Variants in OLR1 observed in about 807,000 individuals in gnomAD.
The protein encoded by OLR1 is oxidized low-density lipoprotein receptor 1.
A neutral mutation model predicts 31.7 loss-of-function variants in OLR1; 23 were observed. The ratio of observed to expected loss-of-function variants is 0.72; its 90% CI spans 0.52 to 1.03. The LOEUF (loss-of-function observed/expected upper bound fraction) is 1.03, where lower values mean the gene tolerates loss of function less well. Among genes scored for constraint, OLR1 ranks in the 50% least tolerant of loss-of-function variants. The probability of loss-of-function intolerance (pLI) is 0.00; values close to 1 mark genes in which losing one functional copy is unlikely to be tolerated. For missense variants in OLR1, 286 were observed against 315.7 expected, an observed-to-expected ratio of 0.91 and a Z score of 0.71; for synonymous variants, 117 against 115.8, an observed-to-expected ratio of 1.01 and a Z score of -0.07.
chr12:10,160,349 G>A lies in OLR1; in HGVS notation c.678C>T (p.His226=). The change falls in exon 5 of 6, where the codon CAC becomes CAT. Residue 226 remains histidine, a splice_region_variant and synonymous_variant. Transcript: ENST00000309539. ...LWEDGSPLMP[H]LFRVRGAVSQ... is the part of the protein sequence containing the mutation. The stretch of plus-strand genomic sequence containing the variant: ...ATCAAAAAGAATGGGAAACTTACAA[G>A]TGGGGCATCAAAGGAGAACCGTCCT... The A allele has an allele frequency of 6.2e-7, 1 of 1,610,526 alleles. No individual in the cohort carries two copies. The highest frequency in any genetic ancestry group is 8.5e-7 in the Non-Finnish European group (1 of 1,177,446).
intron 2 of OLR1, 80 bp from the exon 3 acceptor site, chr12:10,167,037 GA>G: frequency 7.3e-7 from 1 of 1,364,946 alleles, no homozygotes; most frequent in East Asian, 2.3e-5. Context: ...AATCAAAACA[GA>G]ATTAAATCTA....
At chr12:10,174,595 T>C (rs1220769316), upstream of OLR1, among the ~76,000 whole-genome samples, 1 of 152,206 alleles carries the variant, frequency 6.6e-6, no homozygotes, top group East Asian at 1.9e-4. Context: ...CTCCACTCGC[T>C]GGCCGAGTCT....
At chr12:10,170,460 A>G (rs1191882664) in intron 1 of OLR1, 1 of 145,722 alleles carries the variant, frequency 6.9e-6, no homozygotes, top group Non-Finnish European at 1.5e-5. Context: ...TTCATTCCAC[A>G]TTGTAGGGCA....
At chr12:10,167,242 C>T in intron 2 of OLR1, 1 of 282,068 alleles carries the variant, frequency 3.5e-6, no homozygotes, top group South Asian at 3.8e-5. Context: ...CTTTGGGAGG[C>T]CGAGGCAGGC....
In OLR1 at chr12:10,168,772, G is replaced by T. The variant is rs181193470; in HGVS notation, c.178+302C>A. Among the ~76,000 whole-genome samples the T allele has an allele frequency of 2.0e-4, 31 of 152,258 alleles. No homozygotes were observed. The East Asian group carries it at 4.8e-3, about 24-fold the overall frequency. On this transcript the variant is annotated intron_variant, in intron 2 of 5. Transcript: ENST00000309539. ...GCCTCCCAAAGTGCTGGGATTACAG[G>T]TGTGAGCCACCGCACCCGGCCTATC... is the stretch of plus-strand genomic sequence containing the variant.
At chr12:10,167,020 T>A (rs1050729058) in intron 2 of OLR1, 63 bp from the exon 3 acceptor site, 1 of 1,494,436 alleles carries the variant, frequency 6.7e-7, no homozygotes, top group Non-Finnish European at 9.1e-7. Context: ...CAGGGACTTT[T>A]TGAGGAAATC....
intron 2 of OLR1, among the ~76,000 whole-genome samples, chr12:10,167,862 C>T (rs1398624367): frequency 6.6e-6 from 1 of 151,892 alleles, no homozygotes; most frequent in African/African-American, 2.4e-5. Context: ...TGTTAAGGGT[C>T]AAATGTCTCA....
intron 3 of OLR1, among the ~76,000 whole-genome samples, chr12:10,166,068 G>T (rs1453586814): frequency 6.6e-6 from 1 of 151,908 alleles, no homozygotes; most frequent in African/African-American, 2.4e-5. Context: ...AAAATTAGTT[G>T]GGCATGGTGG....
chr12:10,159,618 TTAAAA>T lies in OLR1; in HGVS notation c.*257_*261del. 3.3e-6 allele frequency: 1 copy of T among 300,522 alleles called. No individual in the cohort carries two copies. The highest frequency in any genetic ancestry group is 6.4e-6 in the Non-Finnish European group (1 of 156,204). The allele number at this position is 300,522 out of a possible 1,614,324, so 18.6% of individuals were successfully genotyped here. A position where few individuals can be genotyped will look rare whatever the true frequency, so the allele number is the denominator to read the frequency against. On this transcript the variant is annotated 3_prime_UTR_variant, in exon 6 of 6. Coordinates refer to ENST00000309539, the MANE Select transcript of OLR1 (RefSeq NM_002543.4). ...TTCAAGCTTGAAGAGGAGTCAAATT[TTAAAA>T]TAAAAAGGGGAAAATGGACTTCAGG...
chr12:10,168,979 T>C (rs1381178913), intron 2 of OLR1, 95 bp downstream of exon 2: 4 of 769,448 alleles, frequency 5.2e-6, no homozygotes, highest in Non-Finnish European at 8.0e-6. Flanking sequence ...AGGCTGTTTG[T>C]AGTTGTTATG....
chr12:10,165,378 C>T (rs11053652), intron 3 of OLR1, among the ~76,000 whole-genome samples: 1 of 151,776 alleles, frequency 6.6e-6, no homozygotes, highest in Non-Finnish European at 1.5e-5. Flanking sequence ...GGCAGTGAGC[C>T]GAGATCAGGC....
upstream of OLR1, among the ~76,000 whole-genome samples, chr12:10,172,579 T>C (rs1056469935): frequency 3.9e-5 from 6 of 152,188 alleles, no homozygotes; most frequent in Non-Finnish European, 7.3e-5. Context: ...TGGCAATGGA[T>C]CTAAGAATTT....
chr12:10,174,043 A>ATGTGT (rs1948747479), upstream of OLR1, among the ~76,000 whole-genome samples: 2 of 134,800 alleles, frequency 1.5e-5, no homozygotes, highest in Non-Finnish European at 3.1e-5. Flanking sequence ...GGTGAATTTC[A>ATGTGT]TGTGTTTTGT....
At position 10,166,804 on chromosome 12, in the gene OLR1, C is replaced by G; in HGVS notation, c.332G>C (p.Arg111Pro). The G allele has an allele frequency of 3.1e-6, 5 of 1,613,750 alleles. No individual in the cohort carries two copies. The highest frequency in any genetic ancestry group is 4.2e-6 in the Non-Finnish European group (5 of 1,179,972). The change falls in exon 3 of 6, where the codon CGG (arginine) becomes CCG (proline). Residue 111 changes from arginine to proline, a missense_variant. By Grantham distance (103) the Arg-to-Pro change is moderately radical. Transcript: ENST00000309539. ...CTCTTTGGATTTCTCATTCAGCTTC[C>G]GAGCAAGGGTTTCTATCATTTCCTT... ...ELKEMIETLA[R>P]KLNEKSKEQM...
chr12:10,159,690 G>A lies in OLR1; in HGVS notation c.*190C>T, dbSNP rs1050283. ...GGACAAGCTAGGTGAAATAATACAG[G>A]TAGCTAGAATCAAAAATGTTGACAT... On this transcript the variant is annotated 3_prime_UTR_variant, in exon 6 of 6. Transcript: ENST00000309539. 0.43 allele frequency: 211,599 copies of A among 493,990 alleles called. 49,178 individuals are homozygous for A. Among genetic ancestry groups the A allele is most frequent in the Middle Eastern group, 0.54 (920 of 1,716 alleles). The allele number at this position is 493,990 out of a possible 1,614,324, so 30.6% of individuals were successfully genotyped here.
intron 2 of OLR1, among the ~76,000 whole-genome samples, chr12:10,167,935 T>C (rs1948676352): frequency 1.3e-5 from 2 of 152,206 alleles, no homozygotes; most frequent in South Asian, 4.1e-4. Flanking sequence ...GCTTTGATCC[T>C]GTTATAAGAT....
upstream of OLR1, among the ~76,000 whole-genome samples, chr12:10,173,912 T>A (rs1379029930): frequency 1.3e-5 from 2 of 152,208 alleles, no homozygotes; most frequent in African/African-American, 4.8e-5. Context: ...TTTTTAGGTG[T>A]ACTGTTCAGT....
intron 5 of OLR1, 27 bp from the exon 6 acceptor site, chr12:10,160,048 C>CAAA: frequency 6.3e-7 from 1 of 1,576,636 alleles, no homozygotes; most frequent in Non-Finnish European, 8.6e-7. Context: ...ACAAAACAAA[C>CAAA]CAACAAAAAA....
chr12:10,165,365 G>A (rs1320775146), intron 3 of OLR1, among the ~76,000 whole-genome samples: 10 of 150,924 alleles, frequency 6.6e-5, no homozygotes, highest in Admixed American at 4.0e-4. Flanking sequence ...TGGAGGCGGA[G>A]GTGGCAGTGA....
Sources: gnomAD v4.1 joint callset for allele counts (sites outside exome capture counted in the v4.1 genomes callset) on GRCh38, gnomAD v4.1.1 for gene constraint, MANE v1.5 for transcripts, NCBI Gene and HGNC (gene_info 2026-07-23, HGNC 2026-07-21) for gene names.